ZFP30: variants seen among roughly 807,000 people sequenced by gnomAD.
The protein encoded by ZFP30 is ZFP30 zinc finger protein, also known as zinc finger protein 30 homolog.
In ZFP30, 16 loss-of-function variants were observed where a neutral mutation model predicts 12.3. The ratio of observed to expected loss-of-function variants is 1.30; its 90% CI spans 0.88 to 1.98. The LOEUF is 1.98. Ranked by LOEUF, ZFP30 falls within the 30% of genes most tolerant of loss-of-function variation. The probability of loss-of-function intolerance (pLI) is 0.00; values close to 1 mark genes in which losing one functional copy is unlikely to be tolerated. For synonymous variants in ZFP30, 172 were observed against 201.0 expected, an observed-to-expected ratio of 0.86 and a Z score of 1.22; for missense variants, 560 against 611.2, an observed-to-expected ratio of 0.92 and a Z score of 0.88.
chr19:37,639,196 CAATAAGACA>C (rs1307558867), intron 5 of ZFP30, among the ~76,000 whole-genome samples: 1 of 151,550 alleles, frequency 6.6e-6, no homozygotes, highest in Non-Finnish European at 1.5e-5. Flanking sequence ...TTTATGGCCT[CAATAAGACA>C]AATAAGATAT....
chr19:37,638,507 T>C (rs547513145), intron 5 of ZFP30, among the ~76,000 whole-genome samples: 97 of 152,356 alleles, frequency 6.4e-4, no homozygotes, highest in Middle Eastern at 3.4e-3. Flanking sequence ...TTTTAAATAA[T>C]GTTGCTTTAG....
intron 3 of ZFP30, among the ~76,000 whole-genome samples, chr19:37,645,695 A>G (rs1177614610): frequency 6.6e-6 from 1 of 151,720 alleles, no homozygotes; most frequent in Non-Finnish European, 1.5e-5. Context: ...CAGTACTTGC[A>G]AAGGACCTAA....
rs941091418 is a variant in ZFP30 at position 37,631,509 on chromosome 19, A to G, written c.*3472T>C. On this transcript the variant is annotated 3_prime_UTR_variant, in exon 6 of 6. Coordinates refer to ENST00000684514, the MANE Select transcript of ZFP30 (RefSeq NM_001320669.3). Reference sequence around the variant, plus strand: ...CACTGAACATCATGGCTTCCCAATTATAACAGCAAATACAGTTCATAATGG... The same window carrying G: ...CACTGAACATCATGGCTTCCCAATTGTAACAGCAAATACAGTTCATAATGG... 4 of 152,156 alleles carry G rather than the reference A, an allele frequency of 2.6e-5. No individual in the cohort carries two copies. The highest frequency in any genetic ancestry group is 4.8e-5 in the African/African-American group (2 of 41,442). 9.4% of individuals were successfully genotyped at this position (152,156 alleles called of 1,614,324 possible).
rs2044559934 is a variant in ZFP30, at chr19:37,647,193, C to G, written c.9+621G>C. Among the ~76,000 whole-genome samples the G allele has an allele frequency of 2.0e-5, 3 of 152,058 alleles. No individual in the cohort carries two copies. The South Asian group carries it at 6.2e-4, about 32-fold the overall frequency. ...CACTTCTAGGAACTTCATTTCTGCCCCATCTCTGCTCTAGACAGATAAGGA... is the reference window on the plus strand; with the variant it reads ...CACTTCTAGGAACTTCATTTCTGCCGCATCTCTGCTCTAGACAGATAAGGA... On this transcript the variant is annotated intron_variant, in intron 3 of 5. Coordinates refer to ENST00000684514, the MANE Select transcript of ZFP30 (RefSeq NM_001320669.3).
chr19:37,636,113 G>GT lies in ZFP30; in HGVS notation c.427dup (p.Thr143AsnfsTer11). 6.2e-7 allele frequency: 1 copy of GT among 1,614,196 alleles called. No individual in the cohort carries two copies. The highest frequency in any genetic ancestry group is 8.5e-7 in the Non-Finnish European group (1 of 1,180,044). The stretch of plus-strand genomic sequence containing the variant: ...ACTTTTCTGATACAGAGGAAGAGAT[G>GT]TGAGTTTTCTGTAAGTAGGCATTTT... On this transcript the variant is annotated frameshift_variant, in exon 6 of 6. Coordinates refer to ENST00000684514, the MANE Select transcript of ZFP30 (RefSeq NM_001320669.3). LOFTEE classifies it low-confidence loss of function (END_TRUNC).
In ZFP30 at chr19:37,633,924, A is replaced by G. The variant is rs1165077833; in HGVS notation, c.*1057T>C. On this transcript the variant is annotated 3_prime_UTR_variant, in exon 6 of 6. Coordinates refer to ENST00000684514, the MANE Select transcript of ZFP30 (RefSeq NM_001320669.3). ...TTATCTCTAACAAATACACTTTTAC[A>G]TAACCACAATGCTATTATCACACAT... The G allele has an allele frequency of 1.3e-5, 2 of 152,212 alleles. No homozygotes were observed. The highest frequency in any genetic ancestry group is 2.4e-5 in the African/African-American group (1 of 41,460). 9.4% of individuals were successfully genotyped at this position (152,212 alleles called of 1,614,324 possible). A position where few individuals can be genotyped will look rare whatever the true frequency, so the allele number is the denominator to read the frequency against.
intron 5 of ZFP30, among the ~76,000 whole-genome samples, chr19:37,637,188 CTTTTTTCT>C (rs1025903840): frequency 1.9e-4 from 28 of 147,198 alleles, no homozygotes; most frequent in East Asian, 7.9e-4. Flanking sequence ...TCACTTCTTT[CTTTTTTCT>C]TTTTTTCTTT....
chr19:37,639,939 G>A (rs929604825), intron 5 of ZFP30, among the ~76,000 whole-genome samples: 51 of 152,272 alleles, frequency 3.3e-4, no homozygotes, highest in African/African-American at 1.2e-3. Flanking sequence ...ATACACAGCT[G>A]AGCTGTACGC....
chr19:37,643,659 T>C (rs745851277), intron 4 of ZFP30, among the ~76,000 whole-genome samples: 28 of 152,212 alleles, frequency 1.8e-4, no homozygotes, highest in Non-Finnish European at 4.0e-4. Context: ...GAAAAAGGGA[T>C]AACAGTAATG....
upstream of ZFP30, chr19:37,655,616 G>C (rs1028913430): frequency 1.3e-5 from 2 of 152,504 alleles, no homozygotes; most frequent in African/African-American, 2.4e-5. Context: ...GGGCCGCAGT[G>C]TCCCTCGCCT....
At chr19:37,643,792 A>T (rs991418453) in intron 4 of ZFP30, among the ~76,000 whole-genome samples, 7 of 151,984 alleles carry the variant, frequency 4.6e-5, no homozygotes, top group Admixed American at 1.3e-4. Flanking sequence ...TTTTTTTTTT[A>T]AAGAAAAATA....
Position 37,644,882 on chromosome 19 carries a change from A to G in ZFP30, c.10-146T>C, listed in dbSNP as rs1263452757. 13 of 743,090 alleles carry G rather than the reference A, an allele frequency of 1.7e-5. No individual in the cohort carries two copies. The East Asian group carries it at 3.9e-4, about 22-fold the overall frequency. The allele number at this position is 743,090 out of a possible 1,614,324, so 46.0% of individuals were successfully genotyped here. On this transcript the variant is annotated intron_variant, in intron 3 of 5. Coordinates refer to ENST00000684514, the MANE Select transcript of ZFP30 (RefSeq NM_001320669.3). ...AGGACTGCTTGAGGCCAGGAGTTTG[A>G]GACCAGCCTAGACAACATACCAAGA... is the stretch of plus-strand genomic sequence containing the variant.
intron 5 of ZFP30, among the ~76,000 whole-genome samples, chr19:37,636,665 A>G (rs1381428041): frequency 1.3e-5 from 2 of 151,826 alleles, no homozygotes; most frequent in African/African-American, 4.8e-5. Context: ...CCATGTCCCT[A>G]TGACACTTGC....
At position 37,635,624 on chromosome 19, in the gene ZFP30, G is replaced by GTTT. The variant is rs2044308248; in HGVS notation, c.916_917insAAA (p.Ala306delinsGluThr). 6.2e-7 allele frequency: 1 copy of GTTT among 1,613,950 alleles called. No homozygotes were observed. The highest frequency in any genetic ancestry group is 8.5e-7 in the Non-Finnish European group (1 of 1,180,040). On this transcript the variant is annotated protein_altering_variant, in exon 6 of 6. Coordinates refer to ENST00000684514, the MANE Select transcript of ZFP30 (RefSeq NM_001320669.3). ...TCGAAGGCCTGTACTACACAGAAAG[G>GTTT]CCTGACCACATTCCTTACACTCATA... is the stretch of plus-strand genomic sequence containing the variant.
chr19:37,641,603 A>C (rs1175677245), intron 5 of ZFP30, among the ~76,000 whole-genome samples: 3 of 152,222 alleles, frequency 2.0e-5, no homozygotes, highest in Non-Finnish European at 4.4e-5. Context: ...TGGATATTAC[A>C]TCGTTTCATG....
In ZFP30 at chr19:37,644,665, C is replaced by T. The variant is rs917984246; in HGVS notation, c.81G>A (p.Gln27=). Residue 27 remains glutamine (Q), a synonymous_variant, in exon 4 of 6, where the codon CAG becomes CAA. Coordinates refer to ENST00000684514, the MANE Select transcript of ZFP30 (RefSeq NM_001320669.3). ...QEEWECLNSY[Q]RNLYRDVILE... ...ATATCACATCTCTGTACAAATTCCT[C>T]TGATATGAGTTCAGGCATTCCCATT... 1 of 1,613,226 alleles carries T rather than the reference C, an allele frequency of 6.2e-7. No homozygotes were observed. Among genetic ancestry groups the T allele is most frequent in the African/African-American group, 1.3e-5 (1 of 74,874 alleles).
chr19:37,632,107 T>A lies in ZFP30; in HGVS notation c.*2874A>T, dbSNP rs997778095. On this transcript the variant is annotated 3_prime_UTR_variant, in exon 6 of 6. Transcript: ENST00000684514. ...TCAGGAGAGTAGGATTTTTTTTTTTTAAAGTTAGATTCTAAATGTATTCTT... is the reference window on the plus strand; with the variant it reads ...TCAGGAGAGTAGGATTTTTTTTTTTAAAAGTTAGATTCTAAATGTATTCTT... The A allele has an allele frequency of 2.0e-5, 3 of 151,328 alleles. No individual in the cohort carries two copies. The allele number at this position is 151,328 out of a possible 1,614,324, so 9.4% of individuals were successfully genotyped here.
Position 37,635,161 on chromosome 19 carries a change from A to G in ZFP30, c.1380T>C (p.His460=). ...TACAGTCATAGGGCTTTTCACCAGTATGAATACTTTGATGTTGGGTAAGTT... is the reference window on the plus strand; with the variant it reads ...TACAGTCATAGGGCTTTTCACCAGTGTGAATACTTTGATGTTGGGTAAGTT... ...LSQLTQHQSI[H]TGEKPYDCKE... Residue 460 remains histidine, a synonymous_variant, in exon 6 of 6, where the codon CAT becomes CAC. Transcript: ENST00000684514. 1 of 1,612,350 alleles carries G rather than the reference A, an allele frequency of 6.2e-7. No individual in the cohort carries two copies. The highest frequency in any genetic ancestry group is 8.5e-7 in the Non-Finnish European group (1 of 1,179,064).
chr19:37,652,003 A>G (rs1156798675), intron 2 of ZFP30, among the ~76,000 whole-genome samples: 5 of 152,170 alleles, frequency 3.3e-5, no homozygotes, highest in African/African-American at 1.2e-4. Context: ...TGAACAGATG[A>G]AAAAAACTCT....
Sources: allele counts gnomAD v4.1 joint callset (sites outside exome capture counted in the v4.1 genomes callset), GRCh38; gene constraint gnomAD v4.1.1; transcripts MANE v1.5; gene names NCBI Gene and HGNC (gene_info 2026-07-23, HGNC 2026-07-21).